The following ELP2 variants were observed in gnomAD, a reference collection of about 807,000 sequenced individuals.
ELP2 encodes the protein elongator acetyltransferase complex subunit 2.
A neutral mutation model predicts 119.2 loss-of-function variants in ELP2; 90 were observed. The ratio of observed to expected loss-of-function variants is 0.75; its 90% confidence interval spans 0.64 to 0.90. The LOEUF is 0.90. ELP2 is among the 40% of genes least tolerant of loss of function. The probability of loss-of-function intolerance (pLI) is 0.00; values close to 1 mark genes in which losing one functional copy is unlikely to be tolerated. For synonymous variants in ELP2, 339 were observed against 331.0 expected (o/e 1.02, Z -0.26); for missense variants, 921 against 967.8 (o/e 0.95, Z 0.64).
intron 21 of ELP2, among the ~76,000 whole-genome samples, chr18:36,173,583 A>G (rs1346508366): frequency 6.6e-6 from 1 of 152,220 alleles, no homozygotes; most frequent in Non-Finnish European, 1.5e-5. Context: ...CAGAGTGACT[A>G]TTTGTAAGGG....
At chr18:36,135,331 T>C (rs2089787157) in intron 2 of ELP2, among the ~76,000 whole-genome samples, 2 of 152,386 alleles carry the variant, frequency 1.3e-5, no homozygotes, top group African/African-American at 4.8e-5. Flanking sequence ...AATATCATTT[T>C]GTATTTTTAA....
intron 2 of ELP2, among the ~76,000 whole-genome samples, chr18:36,134,700 T>G (rs2089765236): frequency 6.6e-6 from 1 of 152,152 alleles, no homozygotes; most frequent in African/African-American, 2.4e-5. Context: ...TTATGAAAAT[T>G]TCTGGACAAG....
rs1003815238 is a variant in ELP2, at chr18:36,141,762, G to A, written c.589-519G>A. On this transcript the variant is annotated intron_variant, in intron 6 of 21. Coordinates refer to ENST00000358232, the MANE Select transcript of ELP2 (RefSeq NM_018255.4). ...GGCTGGTGCAGTGGTGAGAACATGCGTCACTGTAGTCTTGACTTCCTGGGG... is the reference window on the plus strand; with the variant it reads ...GGCTGGTGCAGTGGTGAGAACATGCATCACTGTAGTCTTGACTTCCTGGGG... 5.3e-5 allele frequency among the ~76,000 whole-genome samples: 8 copies of A among 149,922 alleles called. No homozygotes were observed. In the South Asian group the frequency reaches 6.3e-4, roughly 12 times the overall value.
At chr18:36,161,967 A>G (rs1598814471) in intron 17 of ELP2, among the ~76,000 whole-genome samples, 1 of 152,270 alleles carries the variant, frequency 6.6e-6, no homozygotes, top group African/African-American at 2.4e-5. Context: ...GGCACTGTCA[A>G]TCCTGTAATT....
chr18:36,146,471 CATAGT>C, intron 11 of ELP2, 90 bp downstream of exon 11: 1 of 1,401,336 alleles, frequency 7.1e-7, no homozygotes. Context: ...TCTACAGAAA[CATAGT>C]AGAGGCACTT....
chr18:36,145,056 T>C (rs2090155045), intron 9 of ELP2, 22 bp downstream of exon 9: 2 of 1,552,076 alleles, frequency 1.3e-6, no homozygotes, highest in Non-Finnish European at 8.9e-7. Flanking sequence ...ACCATACACA[T>C]ATCCCTTACT....
chr18:36,166,291 AAC>A (rs1253174189), intron 18 of ELP2, among the ~76,000 whole-genome samples: 1 of 150,650 alleles, frequency 6.6e-6, no homozygotes, highest in Non-Finnish European at 1.5e-5. Context: ...CCTCCTCATA[AAC>A]AGTTATGTGG....
At position 36,164,001 on chromosome 18, in the gene ELP2, G is replaced by C. The variant is rs77730373; in HGVS notation, c.1762-474G>C. On this transcript the variant is annotated intron_variant, in intron 17 of 21. Coordinates refer to ENST00000358232, the MANE Select transcript of ELP2 (RefSeq NM_018255.4). ...TTGATTCTCTAGATCAATTTGGGGA[G>C]AATTTTAACAATATTGAGTATTTTG... Among the ~76,000 whole-genome samples the C allele has an allele frequency of 4.0e-3, 602 of 152,238 alleles. 5 individuals are homozygous for C. Among genetic ancestry groups the C allele is most frequent in the African/African-American group, 0.014 (578 of 41,542 alleles).
intron 11 of ELP2, among the ~76,000 whole-genome samples, chr18:36,149,471 G>GTTTTTTTTTTTTTTT (rs1457178336): frequency 3.0e-5 from 2 of 66,910 alleles, no homozygotes; most frequent in African/African-American, 8.7e-5. Context: ...TAGTTGCAGG[G>GTTTTTTTTTTTTTTT]TTTTTTGTTT....
At chr18:36,164,752 G>C (rs986494377) in intron 18 of ELP2, 85 bp downstream of exon 18, 2 of 1,332,794 alleles carry the variant, frequency 1.5e-6, no homozygotes, top group Non-Finnish European at 1.1e-6. Flanking sequence ...TTAAGAGAAA[G>C]ATAACAGAGT....
rs1266899999 is a variant in ELP2 at position 36,165,059 on chromosome 18, C to G, written c.1954+392C>G. On this transcript the variant is annotated intron_variant, in intron 18 of 21. Transcript: ENST00000358232. ...TAATGAAGATACAACTAAGAAAACTCATGGTTGAGTGGTTTCTTCTCTCTG... is the reference window on the plus strand; with the variant it reads ...TAATGAAGATACAACTAAGAAAACTGATGGTTGAGTGGTTTCTTCTCTCTG... 4 of 216,642 alleles carry G rather than the reference C, an allele frequency of 1.8e-5. No individual in the cohort carries two copies. In the Admixed American group the frequency reaches 2.1e-4, roughly 11 times the overall value. 13.4% of individuals were successfully genotyped at this position (216,642 alleles called of 1,614,324 possible). A position where few individuals can be genotyped will look rare whatever the true frequency, so the allele number is the denominator to read the frequency against.
At chr18:36,149,176 C>T (rs988255522) in intron 11 of ELP2, among the ~76,000 whole-genome samples, 2 of 152,242 alleles carry the variant, frequency 1.3e-5, no homozygotes, top group Non-Finnish European at 2.9e-5. Context: ...ATTTCTCCTT[C>T]TCTCCATTAA....
chr18:36,172,797 A>G (rs1472705977), intron 21 of ELP2, among the ~76,000 whole-genome samples: 1 of 152,212 alleles, frequency 6.6e-6, no homozygotes, highest in Non-Finnish European at 1.5e-5. Context: ...GGGAACACGT[A>G]TAGAATTTGA....
intron 1 of ELP2, among the ~76,000 whole-genome samples, chr18:36,130,927 G>A (rs749443620): frequency 6.6e-6 from 1 of 152,110 alleles, no homozygotes; most frequent in Admixed American, 6.5e-5. Flanking sequence ...CGGCACTTTG[G>A]GAGGCAGAGG....
intron 3 of ELP2, chr18:36,137,125 T>C (rs972663371): frequency 5.3e-5 from 8 of 152,196 alleles, no homozygotes; most frequent in African/African-American, 1.9e-4. Flanking sequence ...TCTAGTTATG[T>C]GTGTATAATT....
Position 36,179,315 on chromosome 18 carries a change from A to G in ELP2, c.*4674A>G, listed in dbSNP as rs1301099771. The G allele has an allele frequency of 6.7e-6, 1 of 149,574 alleles. No homozygotes were observed. Among genetic ancestry groups the G allele is most frequent in the Non-Finnish European group, 1.5e-5 (1 of 67,202 alleles). The allele number at this position is 149,574 out of a possible 1,614,324, so 9.3% of individuals were successfully genotyped here. A position where few individuals can be genotyped will look rare whatever the true frequency, so the allele number is the denominator to read the frequency against. On this transcript the variant is annotated 3_prime_UTR_variant, in exon 22 of 22. Transcript: ENST00000358232. ...CATCTCTACTAAAAATACAAAAAAA[A>G]AAAAAAAATTAGTCGGGCATGGTGG...
intron 19 of ELP2, among the ~76,000 whole-genome samples, chr18:36,167,982 G>T (rs1036322663): frequency 6.6e-6 from 1 of 152,218 alleles, no homozygotes; most frequent in Non-Finnish European, 1.5e-5. Context: ...CAGCCTCAGA[G>T]TATGTTCTCC....
At chr18:36,174,311 T>A (rs1163845483) in intron 21 of ELP2, among the ~76,000 whole-genome samples, 174 bp from the exon 22 acceptor site, 3 of 152,210 alleles carry the variant, frequency 2.0e-5, no homozygotes, top group African/African-American at 4.8e-5. Context: ...TAAAATTTAG[T>A]CTTGCAGTTT....
chr18:36,158,308 G>C (rs2090630526), intron 13 of ELP2, among the ~76,000 whole-genome samples: 1 of 152,180 alleles, frequency 6.6e-6, no homozygotes, highest in African/African-American at 2.4e-5. Flanking sequence ...AATCTAAGCA[G>C]ATATTGCCTT....
Sources: gnomAD v4.1 joint callset for allele counts (sites outside exome capture counted in the v4.1 genomes callset) on GRCh38, gnomAD v4.1.1 for gene constraint, MANE v1.5 for transcripts, NCBI Gene and HGNC (gene_info 2026-07-23, HGNC 2026-07-21) for gene names.